Variants in GLRA2 observed in about 807,000 individuals in gnomAD.
The protein encoded by GLRA2 is glycine receptor alpha 2.
In GLRA2, 11 loss-of-function variants were observed where a neutral mutation model predicts 31.6. The ratio of observed to expected loss-of-function variants is 0.35; its 90% confidence interval spans 0.22 to 0.58. GLRA2 has a LOEUF of 0.58. Among genes scored for constraint, GLRA2 ranks in the 20% least tolerant of loss-of-function variants. GLRA2 has a pLI of 0.84. For missense variants in GLRA2, 212 were observed against 351.8 expected (o/e 0.60, Z 3.18); for synonymous variants, 132 against 134.0 (o/e 0.99, Z 0.10).
At chrX:14,673,787 T>G (rs930947884) in intron 7 of GLRA2, among the ~76,000 whole-genome samples, 3 of 112,483 alleles carry the variant, frequency 2.7e-5, no homozygotes, top group Non-Finnish European at 5.6e-5. Context: ...AGGCACTAAT[T>G]GCTGACTGAG....
the GLRA2 span, among the ~76,000 whole-genome samples, chrX:14,463,609 TCC>T: frequency 9.0e-6 from 1 of 111,022 alleles, no homozygotes; most frequent in Non-Finnish European, 1.9e-5. Flanking sequence ...AGCTCCTGTG[TCC>T]CAGGTCGATC....
chrX:14,698,646 C>G (rs989116437), intron 8 of GLRA2, among the ~76,000 whole-genome samples: 11 of 92,521 alleles, frequency 1.2e-4, no homozygotes, highest in African/African-American at 4.2e-4. Context: ...CCACTGTACT[C>G]CAGCCTGGGC....
the GLRA2 span, among the ~76,000 whole-genome samples, chrX:14,499,377 CA>C: frequency 9.0e-6 from 1 of 110,894 alleles, no homozygotes; most frequent in Non-Finnish European, 1.9e-5. Context: ...GCATTTTTTT[CA>C]TATACCCATT....
chrX:14,635,248 G>T (rs769924968), intron 7 of GLRA2, among the ~76,000 whole-genome samples: 1 of 111,821 alleles, frequency 8.9e-6, no homozygotes, highest in East Asian at 2.8e-4. Flanking sequence ...AATGTATAAT[G>T]TTTCACAGAC....
intron 7 of GLRA2, among the ~76,000 whole-genome samples, chrX:14,662,692 C>T (rs151150481): frequency 0.037 from 4,089 of 111,541 alleles, 82 homozygotes; most frequent in Non-Finnish European, 0.059. Context: ...CCTAAGTTTG[C>T]ATCTCTGTCA....
chrX:14,724,626 CA>C (rs758722703), intron 8 of GLRA2, among the ~76,000 whole-genome samples: 284 of 49,540 alleles, frequency 5.7e-3, no homozygotes, highest in African/African-American at 0.015. Flanking sequence ...AACTCTGTCT[CA>C]AAAAAAAAAA....
intron 7 of GLRA2, among the ~76,000 whole-genome samples, chrX:14,631,883 C>CAT (rs762338626): frequency 2.8e-3 from 259 of 92,429 alleles, no homozygotes; most frequent in African/African-American, 9.6e-3. Flanking sequence ...CATATATAGA[C>CAT]ATACATATGT....
intron 7 of GLRA2, among the ~76,000 whole-genome samples, chrX:14,655,944 T>C (rs1286188712): frequency 8.9e-6 from 1 of 111,910 alleles, no homozygotes; most frequent in African/African-American, 3.3e-5. Flanking sequence ...CCAGGTCACT[T>C]ACACTCTAGA....
chrX:14,558,111 G>A (rs1284561259), intron 2 of GLRA2, among the ~76,000 whole-genome samples: 1 of 111,877 alleles, frequency 8.9e-6, no homozygotes, highest in African/African-American at 3.2e-5. Context: ...AGAGGATATT[G>A]GAAGATCTAA....
chrX:14,719,667 T>C (rs996112964), intron 8 of GLRA2, among the ~76,000 whole-genome samples: 1 of 111,697 alleles, frequency 9.0e-6, no homozygotes, highest in Non-Finnish European at 1.9e-5. Context: ...AAAATAGAAA[T>C]ACCATATAAT....
chrX:14,547,914 T>A (rs1168869542), intron 2 of GLRA2, among the ~76,000 whole-genome samples: 1 of 112,056 alleles, frequency 8.9e-6, no homozygotes, highest in African/African-American at 3.2e-5. Context: ...CTACATTGTA[T>A]CTCCAACACG....
intron 7 of GLRA2, among the ~76,000 whole-genome samples, chrX:14,616,600 C>T (rs2090456614): frequency 9.0e-6 from 1 of 111,577 alleles, no homozygotes; most frequent in Admixed American, 9.6e-5. Context: ...ATGCTTCTAA[C>T]TAGAGATTGC....
At chrX:14,471,462 G>C in the GLRA2 span, among the ~76,000 whole-genome samples, 1 of 111,870 alleles carries the variant, frequency 8.9e-6, no homozygotes, top group Admixed American at 9.5e-5. Flanking sequence ...TATGCTCCCA[G>C]TTTACGGGAT....
the GLRA2 span, among the ~76,000 whole-genome samples, chrX:14,491,611 T>A: frequency 8.9e-6 from 1 of 111,879 alleles, no homozygotes; most frequent in African/African-American, 3.2e-5. Context: ...GCCCCAGAGA[T>A]ATGATTTCGA....
the GLRA2 span, among the ~76,000 whole-genome samples, chrX:14,460,104 G>C: frequency 1.8e-5 from 2 of 111,925 alleles, no homozygotes; most frequent in Non-Finnish European, 3.8e-5. Context: ...TTTTGTTGAA[G>C]GCCTTTTCTA....
intron 6 of GLRA2, among the ~76,000 whole-genome samples, chrX:14,608,128 GT>G (rs1034392832): frequency 1.8e-5 from 2 of 110,619 alleles, no homozygotes; most frequent in African/African-American, 6.6e-5. Context: ...TTCCAAGGAT[GT>G]TTTTTTTCTG....
chrX:14,701,099 T>A (rs1488120702), intron 8 of GLRA2, among the ~76,000 whole-genome samples: 3 of 110,753 alleles, frequency 2.7e-5, no homozygotes, highest in Non-Finnish European at 5.7e-5. Flanking sequence ...GGAAACACAT[T>A]CATTTTCAGA....
At chrX:14,724,359 C>G (rs771548410) in intron 8 of GLRA2, among the ~76,000 whole-genome samples, 4 of 110,465 alleles carry the variant, frequency 3.6e-5, no homozygotes, top group Non-Finnish European at 7.6e-5. Flanking sequence ...GGCATGGTGG[C>G]TCACACCTGT....
At chrX:14,453,705 A>C in the GLRA2 span, among the ~76,000 whole-genome samples, 1 of 112,148 alleles carries the variant, frequency 8.9e-6, no homozygotes, top group Non-Finnish European at 1.9e-5. Flanking sequence ...TCCAAGGGAA[A>C]TGAAAATGTA....
Sources: allele counts gnomAD v4.1 joint callset (sites outside exome capture counted in the v4.1 genomes callset), GRCh38; gene constraint gnomAD v4.1.1; transcripts MANE v1.5; gene names NCBI Gene and HGNC (gene_info 2026-07-23, HGNC 2026-07-21).